Variants in AGBL4 observed in about 807,000 individuals in gnomAD.
AGBL4 encodes cytosolic carboxypeptidase 6.
Under a neutral mutation model 66.4 loss-of-function variants are expected in AGBL4, and 58 were observed. The ratio of observed to expected loss-of-function variants is 0.87; its 90% CI spans 0.71 to 1.09. The LOEUF (loss-of-function observed/expected upper bound fraction) is 1.09. Among genes scored for constraint, AGBL4 ranks in the 50% least tolerant of loss-of-function variants. AGBL4 has a pLI of 0.00. For missense variants in AGBL4, 579 were observed against 631.0 expected (o/e 0.92, Z 0.88); for synonymous variants, 234 against 222.9 (o/e 1.05, Z -0.44).
intron 1 of AGBL4, among the ~76,000 whole-genome samples, chr1:50,011,940 A>G (rs530625631): frequency 1.8e-4 from 27 of 152,194 alleles, no homozygotes; most frequent in African/African-American, 6.5e-4. Context: ...CGGGTGGATC[A>G]TGAGGTCAGG....
chr1:49,278,753 AAGAAGGAATC>A (rs1644220906), intron 3 of AGBL4, among the ~76,000 whole-genome samples: 1 of 152,256 alleles, frequency 6.6e-6, no homozygotes, highest in African/African-American at 2.4e-5. Context: ...AGATGGACTG[AAGAAGGAATC>A]AGTCACTCCA....
intron 6 of AGBL4, among the ~76,000 whole-genome samples, chr1:48,668,984 C>T (rs1646233904): frequency 1.3e-5 from 2 of 152,134 alleles, no homozygotes; most frequent in African/African-American, 2.4e-5. Flanking sequence ...AGCTCTGCCT[C>T]AGTGTTTGAT....
At chr1:49,309,916 G>T (rs1001543154) in intron 3 of AGBL4, among the ~76,000 whole-genome samples, 1 of 152,052 alleles carries the variant, frequency 6.6e-6, no homozygotes, top group African/African-American at 2.4e-5. Context: ...TTAAAATGTA[G>T]AGGACACAGG....
At chr1:49,318,386 AGATGATGATGATGATGATGAT>A (rs3052048) in intron 3 of AGBL4, among the ~76,000 whole-genome samples, 1 of 148,676 alleles carries the variant, frequency 6.7e-6, no homozygotes, top group African/African-American at 2.5e-5. Context: ...ATTTAAATGC[AGATGATGATGATGATGATGAT>A]GATGATGATG....
intron 4 of AGBL4, among the ~76,000 whole-genome samples, chr1:49,055,178 C>A (rs1259344205): frequency 6.6e-6 from 1 of 151,638 alleles, no homozygotes; most frequent in African/African-American, 2.4e-5. Context: ...ATATGTTGTA[C>A]TACAGTGGAA....
intron 8 of AGBL4, among the ~76,000 whole-genome samples, chr1:48,646,513 ATGTGTGTG>A (rs61233999): frequency 1.2e-3 from 155 of 131,528 alleles, no homozygotes; most frequent in African/African-American, 1.7e-3. Flanking sequence ...ACCAGTTATA[ATGTGTGTG>A]TGTGTGTGTG....
chr1:48,551,231 A>G (rs1328040984), intron 11 of AGBL4, among the ~76,000 whole-genome samples: 1 of 152,210 alleles, frequency 6.6e-6, no homozygotes, highest in Non-Finnish European at 1.5e-5. Flanking sequence ...GGCCAGGTTT[A>G]AAGTCCAAAA....
intron 3 of AGBL4, among the ~76,000 whole-genome samples, chr1:49,488,629 C>T (rs1176514133): frequency 6.6e-6 from 1 of 151,580 alleles, no homozygotes; most frequent in East Asian, 1.9e-4. Flanking sequence ...TATCAAATAC[C>T]ATATCTTATT....
chr1:49,066,420 C>T (rs1020458453), intron 4 of AGBL4, among the ~76,000 whole-genome samples: 3 of 152,102 alleles, frequency 2.0e-5, no homozygotes, highest in Non-Finnish European at 4.4e-5. Context: ...GGTGTGGTGG[C>T]ACACGCCTGT....
chr1:49,465,809 T>C (rs1374756411), intron 3 of AGBL4, among the ~76,000 whole-genome samples: 3 of 151,846 alleles, frequency 2.0e-5, no homozygotes, highest in African/African-American at 7.2e-5. Context: ...CTCTGACATC[T>C]GTGAAAGTCT....
intron 3 of AGBL4, among the ~76,000 whole-genome samples, chr1:49,303,268 T>C (rs1188034547): frequency 6.6e-6 from 1 of 152,114 alleles, no homozygotes; most frequent in East Asian, 1.9e-4. Context: ...CTAATTTACA[T>C]TCCCACCAAC....
At chr1:48,800,992 C>T (rs190766360) in intron 6 of AGBL4, among the ~76,000 whole-genome samples, 54 of 151,986 alleles carry the variant, frequency 3.6e-4, no homozygotes, top group Admixed American at 3.5e-3. Flanking sequence ...CTTGCTGTGG[C>T]CGCTGTGGGG....
At chr1:49,815,807 A>G (rs960506675) in intron 2 of AGBL4, among the ~76,000 whole-genome samples, 1 of 152,064 alleles carries the variant, frequency 6.6e-6, no homozygotes, top group African/African-American at 2.4e-5. Context: ...TGCCATTTGT[A>G]TGTCTTCTTT....
chr1:49,176,423 T>C (rs893983778), intron 4 of AGBL4, among the ~76,000 whole-genome samples: 2 of 152,140 alleles, frequency 1.3e-5, no homozygotes, highest in South Asian at 4.1e-4. Flanking sequence ...GGTACCAACA[T>C]ACACACCACA....
chr1:49,729,804 T>G (rs1649293686), intron 2 of AGBL4, among the ~76,000 whole-genome samples: 1 of 152,042 alleles, frequency 6.6e-6, no homozygotes, highest in South Asian at 2.1e-4. Context: ...AAAAATGAGA[T>G]ATATTGATAG....
intron 6 of AGBL4, among the ~76,000 whole-genome samples, chr1:48,669,827 T>G (rs113959768): frequency 9.6e-4 from 147 of 152,346 alleles, no homozygotes; most frequent in African/African-American, 3.0e-3. Flanking sequence ...TCTGCACTTC[T>G]GAGCCTCTGG....
chr1:50,008,710 A>C (rs1456594059), intron 1 of AGBL4, among the ~76,000 whole-genome samples: 1 of 151,996 alleles, frequency 6.6e-6, no homozygotes, highest in Non-Finnish European at 1.5e-5. Context: ...GATTAACAAA[A>C]CAAAAAACTT....
intron 3 of AGBL4, among the ~76,000 whole-genome samples, chr1:49,404,709 T>G (rs2148617065): frequency 6.6e-6 from 1 of 152,372 alleles, no homozygotes. Context: ...CATGGTTTAA[T>G]ATGGCAGATT....
Position 48,533,886 on chromosome 1 carries a change from G to A in AGBL4, c.*287C>T. 4.6e-6 allele frequency: 2 copies of A among 433,344 alleles called. No individual in the cohort carries two copies. Among genetic ancestry groups the A allele is most frequent in the Non-Finnish European group, 8.5e-6 (2 of 234,684 alleles). 26.8% of individuals were successfully genotyped at this position (433,344 alleles called of 1,614,324 possible). On this transcript the variant is annotated 3_prime_UTR_variant, in exon 14 of 14. Coordinates refer to ENST00000371839, the MANE Select transcript of AGBL4 (RefSeq NM_032785.4). The stretch of plus-strand genomic sequence containing the variant: ...CAAATCTCTTAAAAGGGATGTGTAG[G>A]TTTTCCTCATCTTGGAAGATCTCTA...
Sources: gnomAD v4.1 joint callset for allele counts (sites outside exome capture counted in the v4.1 genomes callset) on GRCh38, gnomAD v4.1.1 for gene constraint, MANE v1.5 for transcripts, NCBI Gene and HGNC (gene_info 2026-07-23, HGNC 2026-07-21) for gene names.